The following LARGE1 variants were observed in gnomAD, a reference collection of about 807,000 sequenced individuals.
LARGE1 encodes the protein LARGE xylosyl- and glucuronyltransferase 1, also known as xylosyl- and glucuronyltransferase LARGE1.
A neutral mutation model predicts 87.6 loss-of-function variants in LARGE1; 43 were observed. That is an observed-to-expected ratio of 0.49 (90% CI 0.38 to 0.63). The LOEUF is 0.63. LARGE1 is among the 30% of genes least tolerant of loss of function. The pLI, the probability that LARGE1 is intolerant of heterozygous loss-of-function variation, is 0.00. For missense variants in LARGE1, 802 were observed against 1,000.2 expected, an observed-to-expected ratio of 0.80 and a Z score of 2.67; for synonymous variants, 434 against 394.6, an observed-to-expected ratio of 1.10 and a Z score of -1.18.
chr22:33,814,204 C>T (rs970207618), intron 1 of LARGE1, among the ~76,000 whole-genome samples: 3 of 152,114 alleles, frequency 2.0e-5, no homozygotes, highest in African/African-American at 7.2e-5. Context: ...CTTCTAAGTG[C>T]CTCTATCACT....
At chr22:33,071,452 C>T in the LARGE1 span, among the ~76,000 whole-genome samples, 1 of 152,184 alleles carries the variant, frequency 6.6e-6, no homozygotes, top group Non-Finnish European at 1.5e-5. Context: ...CTCCACTAGA[C>T]TCTGAAATTT....
At chr22:33,900,426 T>G (rs11914071) in intron 1 of LARGE1, among the ~76,000 whole-genome samples, 1,922 of 152,284 alleles carry the variant, frequency 0.013, 63 homozygotes, top group African/African-American at 0.044. Context: ...TAGATGTCAC[T>G]TGCTTGGAAT....
At chr22:33,299,823 A>T (rs1933901958) in intron 12 of LARGE1, among the ~76,000 whole-genome samples, 1 of 152,258 alleles carries the variant, frequency 6.6e-6, no homozygotes, top group Non-Finnish European at 1.5e-5. Context: ...CTTTCGCCTG[A>T]CATTTCTGAG....
chr22:33,424,398 C>A (rs1453644242), intron 7 of LARGE1, among the ~76,000 whole-genome samples: 1 of 152,134 alleles, frequency 6.6e-6, no homozygotes, highest in African/African-American at 2.4e-5. Flanking sequence ...AGAATTCCTA[C>A]CTATGGACAG....
intron 9 of LARGE1, among the ~76,000 whole-genome samples, chr22:33,357,745 G>T (rs1391976104): frequency 6.6e-6 from 1 of 152,132 alleles, no homozygotes; most frequent in Admixed American, 6.5e-5. Flanking sequence ...GGGGGGCCGA[G>T]ATTGCACCAT....
intron 6 of LARGE1, among the ~76,000 whole-genome samples, chr22:33,497,063 T>C (rs1236952399): frequency 7.1e-6 from 1 of 141,564 alleles, no homozygotes; most frequent in East Asian, 2.0e-4. Context: ...GCTATTTTCT[T>C]TTCTTTTCTT....
intron 10 of LARGE1, among the ~76,000 whole-genome samples, chr22:33,319,667 A>T (rs1303426204): frequency 6.6e-6 from 1 of 152,202 alleles, no homozygotes; most frequent in Non-Finnish European, 1.5e-5. Flanking sequence ...AAGTGTTGAG[A>T]TTACAGGCGT....
At chr22:33,775,851 T>TAG in intron 1 of LARGE1, among the ~76,000 whole-genome samples, 1 of 122,358 alleles carries the variant, frequency 8.2e-6, no homozygotes, top group East Asian at 2.4e-4. Flanking sequence ...GTCACTGTCT[T>TAG]AAAAAAAAAA....
chr22:33,698,802 C>T (rs994756051), intron 2 of LARGE1, among the ~76,000 whole-genome samples: 5 of 152,236 alleles, frequency 3.3e-5, no homozygotes, highest in South Asian at 2.1e-4. Context: ...ATGGAACGTG[C>T]ATCCTCTCGA....
chr22:33,715,774 C>A (rs959058305), intron 2 of LARGE1, among the ~76,000 whole-genome samples: 2 of 152,190 alleles, frequency 1.3e-5, no homozygotes, highest in African/African-American at 4.8e-5. Flanking sequence ...GTTGCAACTG[C>A]AGTGGCATCG....
At chr22:33,735,851 G>A (rs2083637381) in intron 2 of LARGE1, among the ~76,000 whole-genome samples, 1 of 152,072 alleles carries the variant, frequency 6.6e-6, no homozygotes, top group Non-Finnish European at 1.5e-5. Context: ...TCTATGGACT[G>A]GCCAATTCTG....
intron 11 of LARGE1, among the ~76,000 whole-genome samples, chr22:33,239,095 C>T (rs1156969433): frequency 6.9e-6 from 1 of 144,064 alleles, no homozygotes; most frequent in Non-Finnish European, 1.5e-5. Flanking sequence ...CAAAAATTAA[C>T]CTTATTAGGA....
intron 1 of LARGE1, among the ~76,000 whole-genome samples, chr22:33,775,808 C>T (rs778318051): frequency 1.0e-4 from 15 of 149,642 alleles, no homozygotes; most frequent in Non-Finnish European, 1.9e-4. Context: ...GCCGAGATCG[C>T]GCCACTGCAC....
At chr22:33,164,407 TC>T (rs1391938716) in exon 12 of LARGE1, 1 of 152,184 alleles carries the variant, frequency 6.6e-6, no homozygotes, top group Non-Finnish European at 1.5e-5. Context: ...ATTGGTTATT[TC>T]TTTTCTTGTT....
At chr22:33,586,174 C>T (rs1379288704) in intron 5 of LARGE1, among the ~76,000 whole-genome samples, 1 of 152,170 alleles carries the variant, frequency 6.6e-6, no homozygotes, top group African/African-American at 2.4e-5. Context: ...CACAGGGAAA[C>T]CAGCTGGCTT....
intron 2 of LARGE1, among the ~76,000 whole-genome samples, chr22:33,671,547 T>A (rs2081412850): frequency 6.6e-6 from 1 of 152,224 alleles, no homozygotes; most frequent in Non-Finnish European, 1.5e-5. Context: ...TCCATATTAT[T>A]ACCAAAGCTT....
intron 11 of LARGE1, among the ~76,000 whole-genome samples, chr22:33,224,319 G>GATGAACGGATAGATAA (rs137470): frequency 1.7e-3 from 257 of 152,004 alleles, no homozygotes; most frequent in African/African-American, 5.9e-3. Context: ...AAAAGTGCTG[G>GATGAACGGATAGATAA]ATAAATGCCC....
intron 2 of LARGE1, among the ~76,000 whole-genome samples, chr22:33,675,152 G>A (rs1444307249): frequency 1.3e-5 from 2 of 151,572 alleles, no homozygotes; most frequent in Non-Finnish European, 2.9e-5. Context: ...AAATTAGCTG[G>A]GCATGGTGGC....
intron 10 of LARGE1, among the ~76,000 whole-genome samples, chr22:33,323,795 C>G (rs113827940): frequency 1.3e-5 from 2 of 152,164 alleles, no homozygotes; most frequent in Admixed American, 1.3e-4. Flanking sequence ...CGTAAAACTG[C>G]TTTGTGAACT....
Sources: allele counts gnomAD v4.1 joint callset (sites outside exome capture counted in the v4.1 genomes callset), GRCh38; gene constraint gnomAD v4.1.1; transcripts MANE v1.5; gene names NCBI Gene and HGNC (gene_info 2026-07-23, HGNC 2026-07-21).